PMS1: variants seen among roughly 807,000 people sequenced by gnomAD.
PMS1 encodes PMS1 homolog 1, mismatch repair system component, also known as PMS1 protein homolog 1.
In PMS1, 79 loss-of-function variants were observed where a neutral mutation model predicts 93.1. That is an observed-to-expected ratio of 0.85 (90% confidence interval 0.71 to 1.02). PMS1 has a LOEUF of 1.02. PMS1 is among the 50% of genes least tolerant of loss of function. The pLI, the probability that PMS1 is intolerant of heterozygous loss-of-function variation, is 0.00. For synonymous variants in PMS1, 335 were observed against 363.4 expected (o/e 0.92, Z 0.89); for missense variants, 1,064 against 1,085.3 (o/e 0.98, Z 0.28).
At chr2:189,876,831 C>T (rs1221536429) in intron 12 of PMS1, among the ~76,000 whole-genome samples, 2 of 140,772 alleles carry the variant, frequency 1.4e-5, no homozygotes, top group South Asian at 2.2e-4. Flanking sequence ...AGGCTGGTCT[C>T]GAACTCCTGG....
At chr2:189,798,757 A>AT (rs757864750) in intron 3 of PMS1, among the ~76,000 whole-genome samples, 2,651 of 79,918 alleles carry the variant, frequency 0.033, 41 homozygotes, top group African/African-American at 0.056. Flanking sequence ...TAAGTATTTG[A>AT]TTTTTTTTTT....
At chr2:189,787,347 T>A (rs2048445651) in intron 1 of PMS1, among the ~76,000 whole-genome samples, 2 of 152,198 alleles carry the variant, frequency 1.3e-5, no homozygotes, top group Non-Finnish European at 2.9e-5. Context: ...GTGAAGGGCT[T>A]GCCATGGGTG....
chr2:189,788,323 T>A (rs970937797), intron 1 of PMS1, among the ~76,000 whole-genome samples: 3 of 152,198 alleles, frequency 2.0e-5, no homozygotes, highest in Non-Finnish European at 2.9e-5. Flanking sequence ...GGAGCTCAGT[T>A]TAGTCCCAGT....
intron 5 of PMS1, among the ~76,000 whole-genome samples, chr2:189,820,418 C>T (rs965907734): frequency 6.6e-5 from 10 of 152,132 alleles, no homozygotes; most frequent in Non-Finnish European, 1.5e-4. Context: ...CCACCTCAGC[C>T]TCCTGAGTAG....
intron 9 of PMS1, among the ~76,000 whole-genome samples, chr2:189,858,489 C>T (rs2055596846): frequency 6.6e-6 from 1 of 152,104 alleles, no homozygotes; most frequent in African/African-American, 2.4e-5. Flanking sequence ...TTAAGTACAA[C>T]AGTAGCAGCT....
intron 7 of PMS1, among the ~76,000 whole-genome samples, 175 bp downstream of exon 7, chr2:189,852,952 G>T (rs1179240685): frequency 6.6e-6 from 1 of 152,092 alleles, no homozygotes; most frequent in Non-Finnish European, 1.5e-5. Flanking sequence ...TGGCAATTCT[G>T]GACTGCATTA....
intron 5 of PMS1, among the ~76,000 whole-genome samples, chr2:189,830,493 C>G (rs988749837): frequency 6.6e-6 from 1 of 152,184 alleles, no homozygotes; most frequent in Non-Finnish European, 1.5e-5. Flanking sequence ...CCTGTCCCCC[C>G]GCTTCCCCAC....
intron 8 of PMS1, 59 bp downstream of exon 8, chr2:189,854,141 A>C: frequency 7.2e-7 from 1 of 1,384,228 alleles, no homozygotes; most frequent in Non-Finnish European, 9.9e-7. Context: ...TACTGTTTTC[A>C]TATAAAAAGA....
At chr2:189,875,903 G>C (rs1238386792) in intron 12 of PMS1, among the ~76,000 whole-genome samples, 2 of 144,352 alleles carry the variant, frequency 1.4e-5, no homozygotes, top group Non-Finnish European at 3.0e-5. Context: ...GTTGGAGTGA[G>C]CTGAGGACGC....
chr2:189,857,076 C>A (rs1194105444), intron 9 of PMS1, among the ~76,000 whole-genome samples: 1 of 152,034 alleles, frequency 6.6e-6, no homozygotes, highest in African/African-American at 2.4e-5. Flanking sequence ...GACAGTCTCT[C>A]ATGGATTGTT....
intron 5 of PMS1, among the ~76,000 whole-genome samples, chr2:189,835,199 C>T (rs2053278446): frequency 1.3e-5 from 2 of 152,128 alleles, no homozygotes; most frequent in African/African-American, 2.4e-5. Context: ...TATGCATGTT[C>T]TCTTTCAAGA....
At chr2:189,807,829 G>T (rs1334646533) in intron 4 of PMS1, among the ~76,000 whole-genome samples, 1 of 152,102 alleles carries the variant, frequency 6.6e-6, no homozygotes, top group Non-Finnish European at 1.5e-5. Flanking sequence ...CAAGAAACAA[G>T]AATAAATACT....
At chr2:189,843,306 C>A (rs189727832) in intron 5 of PMS1, among the ~76,000 whole-genome samples, 23 of 152,316 alleles carry the variant, frequency 1.5e-4, no homozygotes, top group Admixed American at 3.3e-4. Flanking sequence ...GTGTGAGTCA[C>A]TGCAAACAAC....
At chr2:189,834,931 T>C (rs2053257692) in intron 5 of PMS1, among the ~76,000 whole-genome samples, 1 of 152,202 alleles carries the variant, frequency 6.6e-6, no homozygotes, top group African/African-American at 2.4e-5. Flanking sequence ...GGTCTCACTG[T>C]GTTGCCCAGG....
At chr2:189,870,204 T>G (rs1469621726) in intron 11 of PMS1, among the ~76,000 whole-genome samples, 2 of 152,228 alleles carry the variant, frequency 1.3e-5, no homozygotes, top group African/African-American at 2.4e-5. Flanking sequence ...AACAGTTCTG[T>G]CTTGTGTGAG....
chr2:189,873,760 G>T lies in PMS1; in HGVS notation c.2634+104G>T, dbSNP rs2057340257. The T allele has an allele frequency of 6.6e-6, 5 of 752,694 alleles. No individual in the cohort carries two copies. The South Asian group carries it at 7.5e-5, about 11-fold the overall frequency. 46.6% of individuals were successfully genotyped at this position (752,694 alleles called of 1,614,324 possible). On this transcript the variant is annotated intron_variant, in intron 12 of 12. Coordinates refer to ENST00000441310, the MANE Select transcript of PMS1 (RefSeq NM_000534.5). ...ACAGCAGGAGGTGAGCGGCCTCCTA[G>T]CGGGCATCACCACCTGAGCTCTGCC...
chr2:189,794,967 G>A (rs544212706), intron 2 of PMS1, among the ~76,000 whole-genome samples: 3 of 152,232 alleles, frequency 2.0e-5, no homozygotes, highest in Admixed American at 6.5e-5. Flanking sequence ...AGGCACTGTG[G>A]CATGCAGCTA....
chr2:189,785,533 G>T (rs1357344085), intron 1 of PMS1: 1 of 152,032 alleles, frequency 6.6e-6, no homozygotes, highest in Non-Finnish European at 1.5e-5. Flanking sequence ...ATATTCCAGG[G>T]GCTATGCTAG....
chr2:189,812,024 G>C (rs752128313), intron 4 of PMS1, among the ~76,000 whole-genome samples: 2 of 152,150 alleles, frequency 1.3e-5, no homozygotes, highest in Non-Finnish European at 2.9e-5. Context: ...ATTACAGGCG[G>C]GTGCGGTGGC....
Sources: gnomAD v4.1 joint callset for allele counts (sites outside exome capture counted in the v4.1 genomes callset) on GRCh38, gnomAD v4.1.1 for gene constraint, MANE v1.5 for transcripts, NCBI Gene and HGNC (gene_info 2026-07-23, HGNC 2026-07-21) for gene names.